Variants in CYP51A1 observed in about 807,000 individuals in gnomAD.
CYP51A1 encodes the protein cytochrome P450 family 51 subfamily A member 1.
In CYP51A1, 45 loss-of-function variants were observed where a neutral mutation model predicts 53.5. The observed-to-expected ratio is 0.84, with a 90% CI of 0.66 to 1.08. The LOEUF (loss-of-function observed/expected upper bound fraction) is 1.08, where lower values mean the gene tolerates loss of function less well. Ranked by LOEUF, CYP51A1 falls within the 50% of genes least tolerant of loss-of-function variation. The probability of loss-of-function intolerance (pLI) is 0.00; values close to 1 mark genes in which losing one functional copy is unlikely to be tolerated. For synonymous variants in CYP51A1, 181 were observed against 217.7 expected (o/e 0.83, Z 1.48); for missense variants, 462 against 621.7 (o/e 0.74, Z 2.73).
chr7:92,127,922 A>C lies in CYP51A1; in HGVS notation c.469-291T>G, dbSNP rs534973340. ...TCACTAGAAACAAGATTTAATGTTA[A>C]CTCTTAACTGCTATACTAGGGTACT... On this transcript the variant is annotated intron_variant, in intron 3 of 9. Transcript: ENST00000003100. 7.2e-5 allele frequency among the ~76,000 whole-genome samples: 11 copies of C among 152,254 alleles called. No individual in the cohort carries two copies. In the South Asian group the frequency reaches 2.3e-3, roughly 32 times the overall value.
In CYP51A1 at chr7:92,128,960, C is replaced by T; in HGVS notation, c.388G>A (p.Asp130Asn). ...CTGTAGACATCTTCTGCATTCAGGT[C>T]TTCATTTTTACTATTAAAAAGCAGT... The part of the protein sequence containing the change: ...AALLFNSKNE[D>N]LNAEDVYSRL... The change falls in exon 3 of 10, where the codon GAC becomes AAC. Residue 130 changes from aspartate (D) to asparagine (N), a missense_variant. Physicochemically the swap from Asp to Asn is conservative, Grantham distance 23 (BLOSUM62 1). Coordinates refer to ENST00000003100, the MANE Select transcript of CYP51A1 (RefSeq NM_000786.4). 1 of 1,613,414 alleles carries T rather than the reference C, an allele frequency of 6.2e-7. No homozygotes were observed. Among genetic ancestry groups the T allele is most frequent in the South Asian group, 1.1e-5 (1 of 91,036 alleles).
At chr7:92,120,792 C>T (rs1309318769) in intron 7 of CYP51A1, among the ~76,000 whole-genome samples, 1 of 151,984 alleles carries the variant, frequency 6.6e-6, no homozygotes, top group Admixed American at 6.5e-5. Context: ...TCTTCATACA[C>T]TTTGATTAGG....
intron 2 of CYP51A1, among the ~76,000 whole-genome samples, chr7:92,130,806 A>G (rs1483745759): frequency 6.6e-6 from 1 of 152,256 alleles, no homozygotes; most frequent in African/African-American, 2.4e-5. Flanking sequence ...AGGTAGAAAG[A>G]TTCAGAAGTT....
chr7:92,123,196 T>C lies in CYP51A1; in HGVS notation c.1010A>G (p.Lys337Arg), dbSNP rs1563179315. 1.9e-6 allele frequency: 3 copies of C among 1,613,904 alleles called. No homozygotes were observed. Among genetic ancestry groups the C allele is most frequent in the Non-Finnish European group, 2.5e-6 (3 of 1,179,938 alleles). The part of the protein sequence containing the change: ...AWMGFFLARD[K>R]TLQKKCYLEQ... ...TAAATAACATTTTTTTTGAAGTGTT[T>C]TGTCTCTGGCCAAAAAGAAGCCCAT... Residue 337 changes from lysine to arginine, a missense_variant, in exon 7 of 10, where the codon AAA (lysine) becomes AGA (arginine). Physicochemically the swap from Lys to Arg is conservative, Grantham distance 26. Transcript: ENST00000003100.
chr7:92,116,149 G>A (rs2130941592), intron 9 of CYP51A1, among the ~76,000 whole-genome samples: 1 of 152,290 alleles, frequency 6.6e-6, no homozygotes. Context: ...GTACACACCT[G>A]TAATCCCAGC....
intron 7 of CYP51A1, among the ~76,000 whole-genome samples, chr7:92,120,547 C>T (rs1819670471): frequency 6.6e-6 from 1 of 152,188 alleles, no homozygotes; most frequent in Non-Finnish European, 1.5e-5. Flanking sequence ...CTCAGCTTCT[C>T]AGTAGCTGAG....
At chr7:92,131,224 C>T (rs1011061365) in intron 2 of CYP51A1, among the ~76,000 whole-genome samples, 34 of 152,106 alleles carry the variant, frequency 2.2e-4, no homozygotes, top group African/African-American at 8.2e-4. Flanking sequence ...GTATGGTCTA[C>T]GAATAGGATA....
chr7:92,129,166 T>C lies in CYP51A1; in HGVS notation c.292-110A>G, dbSNP rs898677286. On this transcript the variant is annotated intron_variant, in intron 2 of 9. Coordinates refer to ENST00000003100, the MANE Select transcript of CYP51A1 (RefSeq NM_000786.4). ...ATTATTAAAAAAATAAAAACATATA[T>C]AAACCTTAAAGCAATTCTTTTCATC... 19 of 637,776 alleles carry C rather than the reference T, an allele frequency of 3.0e-5. No homozygotes were observed. In the African/African-American group the frequency reaches 3.6e-4, roughly 12 times the overall value. The allele number at this position is 637,776 out of a possible 1,614,324, so 39.5% of individuals were successfully genotyped here.
At chr7:92,128,428 CTG>C (rs1554479142) in intron 3 of CYP51A1, among the ~76,000 whole-genome samples, 215 of 142,868 alleles carry the variant, frequency 1.5e-3, no homozygotes, top group Non-Finnish European at 1.9e-3. Flanking sequence ...TGGTTGGTTT[CTG>C]TGTGTGTGTG....
At chr7:92,118,991 T>C (rs1819633175) in intron 7 of CYP51A1, among the ~76,000 whole-genome samples, 3 of 152,162 alleles carry the variant, frequency 2.0e-5, no homozygotes, top group Non-Finnish European at 4.4e-5. Flanking sequence ...AAGAGTAAGC[T>C]TTGTGGTAGT....
chr7:92,123,337 C>T (rs1204541730), intron 6 of CYP51A1, 22 bp from the exon 7 acceptor site: 2 of 1,585,742 alleles, frequency 1.3e-6, no homozygotes, highest in African/African-American at 1.4e-5. Context: ...ACCAAAGACA[C>T]AAATTTAACA....
Position 92,112,885 on chromosome 7 carries a change from C to T in CYP51A1, c.*780G>A, listed in dbSNP as rs940352911. On this transcript the variant is annotated 3_prime_UTR_variant, in exon 10 of 10. Transcript: ENST00000003100. ...CAACTGAGCCAAAACAAAATTATCC[C>T]CTAAGGACTTGACTTTGGACTTCCA... The T allele has an allele frequency of 1.3e-5, 2 of 151,482 alleles. No homozygotes were observed. Among genetic ancestry groups the T allele is most frequent in the African/African-American group, 4.9e-5 (2 of 41,182 alleles). 9.4% of individuals were successfully genotyped at this position (151,482 alleles called of 1,614,324 possible). A position where few individuals can be genotyped will look rare whatever the true frequency, so the allele number is the denominator to read the frequency against.
intron 7 of CYP51A1, among the ~76,000 whole-genome samples, chr7:92,118,932 C>T (rs1819632010): frequency 6.6e-6 from 1 of 152,186 alleles, no homozygotes. Flanking sequence ...AGGCTTGCAA[C>T]AATCTAAGGA....
At position 92,134,337 on chromosome 7, in the gene CYP51A1, G is replaced by A. The variant is rs1200609886; in HGVS notation, c.28C>T (p.Leu10=). Residue 10 remains leucine, a synonymous_variant, in exon 1 of 10, where the codon CTG becomes TTG. Coordinates refer to ENST00000003100, the MANE Select transcript of CYP51A1 (RefSeq NM_000786.4). The stretch of plus-strand genomic sequence containing the variant: ...GACCCACCCGCCTGCAGCAAGCCCA[G>A]CAGCAGCATCCCAGCCGCCGCCGCC... The part of the protein sequence containing the change: MAAAAGMLL[L]GLLQAGGSVL... 10 of 1,591,118 alleles carry A rather than the reference G, an allele frequency of 6.3e-6. No homozygotes were observed. Among genetic ancestry groups the A allele is most frequent in the South Asian group, 1.1e-5 (1 of 89,684 alleles).
chr7:92,128,428 C>CTGTGTGTGTG lies in CYP51A1; in HGVS notation c.468+442_468+451dup, dbSNP rs1554479142. ...TATTACATTTTTGTTTGGTTGGTTT[C>CTGTGTGTGTG]TGTGTGTGTGTGTGTGTGTGTGTGT... is the stretch of plus-strand genomic sequence containing the variant. On this transcript the variant is annotated intron_variant, in intron 3 of 9. Coordinates refer to ENST00000003100, the MANE Select transcript of CYP51A1 (RefSeq NM_000786.4). Among the ~76,000 whole-genome samples the CTGTGTGTGTG allele has an allele frequency of 0.019, 2,695 of 143,098 alleles. 120 individuals are homozygous for CTGTGTGTGTG. In the East Asian group the frequency reaches 0.22, roughly 12 times the overall value. 93.9% of individuals were successfully genotyped at this position (143,098 alleles called of 152,430 possible). A position where few individuals can be genotyped will look rare whatever the true frequency, so the allele number is the denominator to read the frequency against.
intron 7 of CYP51A1, among the ~76,000 whole-genome samples, chr7:92,121,252 A>C (rs1335317502): frequency 6.6e-6 from 1 of 151,464 alleles, no homozygotes; most frequent in Non-Finnish European, 1.5e-5. Flanking sequence ...ATTGCACTAG[A>C]GCCTGGGCAT....
chr7:92,131,060 G>C (rs889689302), intron 2 of CYP51A1, among the ~76,000 whole-genome samples: 3 of 152,198 alleles, frequency 2.0e-5, no homozygotes, highest in Non-Finnish European at 2.9e-5. Context: ...ATTGCCAAGA[G>C]TGTAACAGAA....
At chr7:92,120,294 A>G (rs927329592) in intron 7 of CYP51A1, among the ~76,000 whole-genome samples, 7 of 152,222 alleles carry the variant, frequency 4.6e-5, no homozygotes, top group Non-Finnish European at 8.8e-5. Flanking sequence ...AGGGACTAGG[A>G]GTAGATAAAC....
At chr7:92,121,936 T>C (rs146703498) in intron 7 of CYP51A1, among the ~76,000 whole-genome samples, 42 of 152,314 alleles carry the variant, frequency 2.8e-4, no homozygotes, top group African/African-American at 9.4e-4. Context: ...CCACAAAGTG[T>C]ACATTTTAAA....
Sources: gnomAD v4.1 joint callset for allele counts (sites outside exome capture counted in the v4.1 genomes callset) on GRCh38, gnomAD v4.1.1 for gene constraint, MANE v1.5 for transcripts, NCBI Gene and HGNC (gene_info 2026-07-23, HGNC 2026-07-21) for gene names.